Variants in WDR89 observed in about 807,000 individuals in gnomAD.
WDR89 encodes the protein WD repeat-containing protein 89.
WDR89 carries 17 observed loss-of-function variants against 29.1 expected under a neutral mutation model. The ratio of observed to expected loss-of-function variants is 0.58; its 90% CI spans 0.40 to 0.88. The LOEUF (loss-of-function observed/expected upper bound fraction) is 0.88. WDR89 is among the 40% of genes least tolerant of loss of function. The probability of loss-of-function intolerance (pLI) is 0.00; values close to 1 mark genes in which losing one functional copy is unlikely to be tolerated. For synonymous variants in WDR89, 138 were observed against 157.8 expected, an observed-to-expected ratio of 0.87 and a Z score of 0.94; for missense variants, 396 against 456.3, an observed-to-expected ratio of 0.87 and a Z score of 1.20.
intron 2 of WDR89, among the ~76,000 whole-genome samples, chr14:63,615,654 C>T (rs533169011): frequency 1.3e-5 from 2 of 152,194 alleles, no homozygotes; most frequent in Non-Finnish European, 2.9e-5. Flanking sequence ...CAGCCGGGCC[C>T]AGTGGCTCAT....
intron 1 of WDR89, among the ~76,000 whole-genome samples, chr14:63,632,369 G>A (rs762310200): frequency 3.9e-5 from 6 of 152,002 alleles, no homozygotes; most frequent in Admixed American, 6.6e-5. Context: ...GATGGCTCCT[G>A]CCCCTTATCC....
intron 2 of WDR89, among the ~76,000 whole-genome samples, chr14:63,604,552 C>T (rs1332740017): frequency 1.3e-5 from 2 of 152,190 alleles, no homozygotes; most frequent in Non-Finnish European, 2.9e-5. Flanking sequence ...GTATCTGCCT[C>T]AGTTTAACAA....
At chr14:63,640,817 G>C (rs1410362460) in intron 1 of WDR89, among the ~76,000 whole-genome samples, 1 of 149,032 alleles carries the variant, frequency 6.7e-6, no homozygotes, top group Non-Finnish European at 1.5e-5. Context: ...AAAGAAAACG[G>C]CCGGGCACGG....
intron 1 of WDR89, among the ~76,000 whole-genome samples, chr14:63,628,557 T>C (rs2139560824): frequency 6.6e-6 from 1 of 152,294 alleles, no homozygotes; most frequent in East Asian, 1.9e-4. Flanking sequence ...ACCCTAGAGA[T>C]GTAACATTTG....
At chr14:63,611,454 T>G (rs2139515283) in intron 2 of WDR89, among the ~76,000 whole-genome samples, 1 of 152,050 alleles carries the variant, frequency 6.6e-6, no homozygotes, top group African/African-American at 2.4e-5. Flanking sequence ...TATGGTATCC[T>G]TGATTAGATC....
chr14:63,618,588 TAGA>T (rs544344303), intron 2 of WDR89, among the ~76,000 whole-genome samples: 299 of 151,614 alleles, frequency 2.0e-3, no homozygotes, highest in Middle Eastern at 0.014. Context: ...CCAACTAAAG[TAGA>T]AGAAGAAAGA....
intron 1 of WDR89, among the ~76,000 whole-genome samples, chr14:63,639,799 A>C (rs1883984990): frequency 6.6e-6 from 1 of 152,212 alleles, no homozygotes; most frequent in Non-Finnish European, 1.5e-5. Context: ...AAAAGTAGTC[A>C]TGACTTTAGT....
intron 2 of WDR89, chr14:63,601,669 G>A: frequency 4.3e-6 from 7 of 1,612,662 alleles, no homozygotes; most frequent in Non-Finnish European, 5.9e-6. Context: ...GGTTCTAAAG[G>A]AAAGGGTGGA....
At position 63,598,936 on chromosome 14, in the gene WDR89, A is replaced by C; in HGVS notation, c.1007T>G (p.Leu336Trp). The C allele has an allele frequency of 2.5e-6, 4 of 1,614,228 alleles. No homozygotes were observed. Among genetic ancestry groups the C allele is most frequent in the Non-Finnish European group, 2.5e-6 (3 of 1,180,032 alleles). ...SFCWNVQDDS[L>W]LTGGEDAQLL... ...CTGTGCATCTTCTCCTCCAGTCAAC[A>C]AAGAATCATCTTGCACATTCCAACA... The change falls in exon 3 of 3, where the codon TTG (leucine) becomes TGG (tryptophan). Residue 336 changes from leucine (L) to tryptophan (W), a missense_variant. Coordinates refer to ENST00000620954, the MANE Select transcript of WDR89 (RefSeq NM_080666.4).
chr14:63,599,079 T>C lies in WDR89; in HGVS notation c.864A>G (p.Thr288=), dbSNP rs756841319. 6.8e-6 allele frequency: 11 copies of C among 1,614,018 alleles called. No individual in the cohort carries two copies. In the African/African-American group the frequency reaches 8.0e-5, roughly 12 times the overall value. ...IGGLYHEKTD[T]LHVIGGTNKG... ...TGTTTGTTCCTCCAATAACATGCAA[T>C]GTGTCTGTCTTTTCATGATATAGGC... The change falls in exon 3 of 3, where the codon ACA becomes ACG. Residue 288 remains threonine (T), a synonymous_variant. Transcript: ENST00000620954.
chr14:63,640,632 G>A (rs1884045689), intron 1 of WDR89, among the ~76,000 whole-genome samples: 1 of 150,366 alleles, frequency 6.7e-6, no homozygotes, highest in Non-Finnish European at 1.5e-5. Flanking sequence ...GGGACTACAG[G>A]CGCCCGCCAC....
chr14:63,600,087 C>CT, intron 2 of WDR89, 114 bp from the exon 3 acceptor site: 1 of 544,880 alleles, frequency 1.8e-6, no homozygotes. Context: ...ACATTTTCCT[C>CT]TGAGGGCTGG....
At chr14:63,632,595 T>C (rs1883480923) in intron 1 of WDR89, among the ~76,000 whole-genome samples, 1 of 152,084 alleles carries the variant, frequency 6.6e-6, no homozygotes, top group Non-Finnish European at 1.5e-5. Flanking sequence ...ATCACACCAC[T>C]GCACTCCAGC....
chr14:63,609,080 C>G (rs564605219), intron 2 of WDR89, among the ~76,000 whole-genome samples: 1 of 151,866 alleles, frequency 6.6e-6, no homozygotes, highest in East Asian at 1.9e-4. Flanking sequence ...CCACTGCACT[C>G]CAGCCTGGCA....
intron 1 of WDR89, among the ~76,000 whole-genome samples, chr14:63,626,104 G>T (rs911755469): frequency 6.6e-6 from 1 of 151,908 alleles, no homozygotes. Flanking sequence ...CGCCCACCTT[G>T]GCCTCCCAAA....
At chr14:63,626,097 CCACCT>C (rs1883026440) in intron 1 of WDR89, among the ~76,000 whole-genome samples, 4 of 152,010 alleles carry the variant, frequency 2.6e-5, no homozygotes, top group South Asian at 4.2e-4. Flanking sequence ...CGTGATCCGC[CCACCT>C]TGGCCTCCCA....
At chr14:63,602,852 A>G (rs1466078639) in intron 2 of WDR89, among the ~76,000 whole-genome samples, 1 of 152,166 alleles carries the variant, frequency 6.6e-6, no homozygotes, top group African/African-American at 2.4e-5. Flanking sequence ...AGAGAGCTCC[A>G]AATAGCACAA....
intron 1 of WDR89, among the ~76,000 whole-genome samples, chr14:63,627,527 A>C (rs958152127): frequency 3.9e-5 from 6 of 152,192 alleles, no homozygotes; most frequent in African/African-American, 1.4e-4. Context: ...ATCATTATAT[A>C]ACTGTTTCAC....
At chr14:63,622,909 G>A (rs2139544375) in intron 2 of WDR89, among the ~76,000 whole-genome samples, 1 of 152,160 alleles carries the variant, frequency 6.6e-6, no homozygotes, top group Non-Finnish European at 1.5e-5. Context: ...AAGTCAAAAA[G>A]GATATAATGG....
Sources: allele counts gnomAD v4.1 joint callset (sites outside exome capture counted in the v4.1 genomes callset), GRCh38; gene constraint gnomAD v4.1.1; transcripts MANE v1.5; gene names NCBI Gene and HGNC (gene_info 2026-07-23, HGNC 2026-07-21).